Variants in GNG2 observed in about 807,000 individuals in gnomAD.
The protein encoded by GNG2 is G protein subunit gamma 2, also known as guanine nucleotide-binding protein G(I)/G(S)/G(O) subunit gamma-2.
A neutral mutation model predicts 5.5 loss-of-function variants in GNG2; 5 were observed. The ratio of observed to expected loss-of-function variants is 0.91; its 90% CI spans 0.48 to 1.92. The LOEUF is 1.92. Among genes scored for constraint, GNG2 ranks in the 30% most tolerant of loss-of-function variants. The probability of loss-of-function intolerance (pLI) is 0.01; values close to 1 mark genes in which losing one functional copy is unlikely to be tolerated. For synonymous variants in GNG2, 28 were observed against 32.0 expected (o/e 0.88, Z 0.42); for missense variants, 55 against 88.4 (o/e 0.62, Z 1.52).
intron 2 of GNG2, among the ~76,000 whole-genome samples, chr14:51,883,141 C>T (rs1884215651): frequency 6.6e-6 from 1 of 152,100 alleles, no homozygotes; most frequent in Non-Finnish European, 1.5e-5. Context: ...AAGACATCCC[C>T]AAGCACCATT....
intron 2 of GNG2, among the ~76,000 whole-genome samples, chr14:51,837,282 A>G (rs1881358180): frequency 6.6e-6 from 1 of 152,246 alleles, no homozygotes; most frequent in African/African-American, 2.4e-5. Context: ...GGATGAGAAT[A>G]AAAGCTAAAG....
intron 2 of GNG2, among the ~76,000 whole-genome samples, chr14:51,945,993 G>A (rs925455793): frequency 6.6e-6 from 1 of 152,200 alleles, no homozygotes; most frequent in Non-Finnish European, 1.5e-5. Flanking sequence ...AGGAATAGAG[G>A]TACATCACTT....
intron 1 of GNG2, among the ~76,000 whole-genome samples, chr14:51,867,070 C>A (rs766031538): frequency 6.6e-6 from 1 of 152,158 alleles, no homozygotes; most frequent in Non-Finnish European, 1.5e-5. Context: ...TTTTTCCATA[C>A]GCACACAAAG....
chr14:51,886,990 G>A (rs1283969962), intron 2 of GNG2, among the ~76,000 whole-genome samples: 1 of 152,168 alleles, frequency 6.6e-6, no homozygotes, highest in African/African-American at 2.4e-5. Context: ...AAAAAGCGTA[G>A]ATAACTTACA....
At chr14:51,873,823 A>G (rs1358104519) in intron 1 of GNG2, 5 of 152,240 alleles carry the variant, frequency 3.3e-5, no homozygotes, top group Non-Finnish European at 7.3e-5. Context: ...TAATGAGGCC[A>G]TTGTTTCAGA....
chr14:51,872,116 C>T (rs1371067447), intron 1 of GNG2, among the ~76,000 whole-genome samples: 2 of 152,178 alleles, frequency 1.3e-5, no homozygotes, highest in East Asian at 1.9e-4. Context: ...TCTGCTAAAC[C>T]GCAGTGGACA....
chr14:51,866,126 A>G (rs928205686), intron 1 of GNG2, among the ~76,000 whole-genome samples: 1 of 152,134 alleles, frequency 6.6e-6, no homozygotes, highest in African/African-American at 2.4e-5. Context: ...TCTCTTGACC[A>G]CTTCTTCCCT....
chr14:51,891,670 G>A (rs1250140804), intron 2 of GNG2, among the ~76,000 whole-genome samples: 1 of 152,130 alleles, frequency 6.6e-6, no homozygotes, highest in South Asian at 2.1e-4. Flanking sequence ...ATGACATCAT[G>A]CTTCTTCTTT....
chr14:51,898,167 T>C (rs1203539046), intron 2 of GNG2, among the ~76,000 whole-genome samples: 1 of 152,224 alleles, frequency 6.6e-6, no homozygotes, highest in Non-Finnish European at 1.5e-5. Flanking sequence ...AGTGGCATTA[T>C]TCCAACCATG....
At chr14:51,956,736 A>G (rs895601681) in intron 3 of GNG2, among the ~76,000 whole-genome samples, 5 of 152,220 alleles carry the variant, frequency 3.3e-5, no homozygotes, top group African/African-American at 9.6e-5. Flanking sequence ...TCCCGTGTGT[A>G]TAGGCAATGA....
At chr14:51,865,226 A>G (rs538131638) in intron 1 of GNG2, among the ~76,000 whole-genome samples, 3 of 152,190 alleles carry the variant, frequency 2.0e-5, no homozygotes, top group African/African-American at 4.8e-5. Flanking sequence ...GTGCACATCT[A>G]TTCATTCTAC....
chr14:51,896,561 T>C (rs1311753031), intron 2 of GNG2, among the ~76,000 whole-genome samples: 1 of 152,170 alleles, frequency 6.6e-6, no homozygotes, highest in Non-Finnish European at 1.5e-5. Flanking sequence ...CCTAAGAGCT[T>C]TGGGTTTTAT....
upstream of GNG2, among the ~76,000 whole-genome samples, chr14:51,859,043 G>T (rs1190135388): frequency 6.6e-6 from 1 of 152,182 alleles, no homozygotes; most frequent in African/African-American, 2.4e-5. Flanking sequence ...GTGTTTGGAA[G>T]GCTCAACTGG....
At chr14:51,844,090 G>A (rs1337036671) in intron 2 of GNG2, among the ~76,000 whole-genome samples, 5 of 152,274 alleles carry the variant, frequency 3.3e-5, no homozygotes, top group African/African-American at 9.6e-5. Context: ...CTTTGTTCTC[G>A]TGGCTGTCCC....
At chr14:51,910,285 G>T (rs1886216213) in intron 2 of GNG2, among the ~76,000 whole-genome samples, 1 of 152,182 alleles carries the variant, frequency 6.6e-6, no homozygotes, top group East Asian at 1.9e-4. Flanking sequence ...TGAACAAATG[G>T]CATGTGTGCA....
intron 1 of GNG2, among the ~76,000 whole-genome samples, chr14:51,866,402 G>C (rs941518161): frequency 6.6e-6 from 1 of 151,968 alleles, no homozygotes; most frequent in African/African-American, 2.4e-5. Context: ...CTGCCTTTGT[G>C]CGTTAGAAGT....
chr14:51,828,490 T>TCAAGGAGATAATCACAAAACAA (rs918373166), intron 2 of GNG2, among the ~76,000 whole-genome samples: 1 of 152,020 alleles, frequency 6.6e-6, no homozygotes, highest in African/African-American at 2.4e-5. Context: ...AAGGAATAAA[T>TCAAGGAGATAATCACAAAACAA]CAAGGAGATA....
chr14:51,943,712 A>C (rs1485775213), intron 2 of GNG2, among the ~76,000 whole-genome samples: 3 of 152,242 alleles, frequency 2.0e-5, no homozygotes, highest in African/African-American at 7.2e-5. Flanking sequence ...CAGTAGCATC[A>C]AAAAGAATAA....
At chr14:51,871,331 C>CAA (rs5808638) in intron 1 of GNG2, among the ~76,000 whole-genome samples, 46,175 of 145,002 alleles carry the variant, frequency 0.32, 7,632 homozygotes, top group South Asian at 0.39. Flanking sequence ...AATTCCTAGG[C>CAA]AAAAAAAAAA....
Sources: allele counts gnomAD v4.1 joint callset (sites outside exome capture counted in the v4.1 genomes callset), GRCh38; gene constraint gnomAD v4.1.1; transcripts MANE v1.5; gene names NCBI Gene and HGNC (gene_info 2026-07-23, HGNC 2026-07-21).